Variants in CFAP70 observed in about 807,000 individuals in gnomAD.
CFAP70 encodes the protein cilia- and flagella-associated protein 70.
Under a neutral mutation model 137.6 loss-of-function variants are expected in CFAP70, and 81 were observed. The ratio of observed to expected loss-of-function variants is 0.59; its 90% CI spans 0.49 to 0.71. The LOEUF is 0.71. Ranked by LOEUF, CFAP70 falls within the 30% of genes least tolerant of loss-of-function variation. CFAP70 has a pLI of 0.00. For missense variants in CFAP70, 976 were observed against 1,226.7 expected, an observed-to-expected ratio of 0.80 and a Z score of 3.05; for synonymous variants, 382 against 423.6, an observed-to-expected ratio of 0.90 and a Z score of 1.20.
intron 4 of CFAP70, among the ~76,000 whole-genome samples, chr10:73,345,871 T>C (rs1267788121): frequency 6.6e-6 from 1 of 152,078 alleles, no homozygotes; most frequent in Non-Finnish European, 1.5e-5. Context: ...TGCTAGTCTA[T>C]ATTTTATGAT....
intron 1 of CFAP70, among the ~76,000 whole-genome samples, chr10:73,358,191 T>C (rs1227184203): frequency 2.0e-5 from 3 of 152,274 alleles, no homozygotes; most frequent in African/African-American, 4.8e-5. Flanking sequence ...GCATGTAACC[T>C]GTCTCACGCA....
intron 25 of CFAP70, among the ~76,000 whole-genome samples, chr10:73,262,728 T>A (rs573349597): frequency 1.1e-3 from 170 of 152,324 alleles, no homozygotes; most frequent in Non-Finnish European, 1.9e-3. Flanking sequence ...TATCCTTTGT[T>A]ACAGGTATCC....
exon 6 of CFAP70, chr10:73,341,578 C>T: frequency 6.2e-7 from 1 of 1,612,932 alleles, no homozygotes; most frequent in Non-Finnish European, 8.5e-7. Context: ...ATGGGATAGT[C>T]CTTCTACAGA....
intron 25 of CFAP70, among the ~76,000 whole-genome samples, chr10:73,266,060 T>C (rs1778338417): frequency 6.6e-6 from 1 of 152,182 alleles, no homozygotes; most frequent in African/African-American, 2.4e-5. Flanking sequence ...TTCTATTAGA[T>C]TTTCTTTTAC....
At chr10:73,303,488 G>C (rs2049124653) in intron 12 of CFAP70, among the ~76,000 whole-genome samples, 1 of 152,094 alleles carries the variant, frequency 6.6e-6, no homozygotes, top group Admixed American at 6.6e-5. Flanking sequence ...AAAGTGCTGG[G>C]ATTACAGGTG....
exon 27 of CFAP70, chr10:73,253,957 T>G: frequency 6.3e-7 from 1 of 1,589,668 alleles, no homozygotes; most frequent in South Asian, 1.1e-5. Flanking sequence ...TGCAGAAAAT[T>G]GTTCAGCTGG....
intron 25 of CFAP70, among the ~76,000 whole-genome samples, chr10:73,261,430 C>T (rs532679443): frequency 6.6e-6 from 1 of 152,282 alleles, no homozygotes; most frequent in Non-Finnish European, 1.5e-5. Flanking sequence ...CTCGCGAGGC[C>T]TCACAATCAT....
downstream of CFAP70, chr10:73,253,776 T>C (rs886449354): frequency 3.8e-5 from 18 of 472,626 alleles, no homozygotes; most frequent in Non-Finnish European, 4.6e-5. Context: ...GAGTTTCATA[T>C]CTCCATTTTT....
chr10:73,253,806 C>G (rs7090025), exon 27 of CFAP70: 10,169 of 494,572 alleles, frequency 0.021, 633 homozygotes, highest in African/African-American at 0.15. Context: ...CCCAGTTTCT[C>G]GTCAACCAGT....
chr10:73,254,105 T>C (rs1200233411), intron 26 of CFAP70, 50 bp from the exon 28 acceptor site: 3 of 1,457,508 alleles, frequency 2.1e-6, no homozygotes, highest in Non-Finnish European at 2.8e-6. Context: ...CGTGATATAC[T>C]TTATGTGGCT....
At chr10:73,337,683 T>A (rs2052807068) in intron 6 of CFAP70, among the ~76,000 whole-genome samples, 1 of 152,090 alleles carries the variant, frequency 6.6e-6, no homozygotes, top group African/African-American at 2.4e-5. Flanking sequence ...GGCAGGCAGA[T>A]CACCTGAGGT....
intron 1 of CFAP70, among the ~76,000 whole-genome samples, chr10:73,355,543 C>T (rs1017371921): frequency 1.3e-5 from 2 of 152,070 alleles, no homozygotes; most frequent in African/African-American, 4.8e-5. Flanking sequence ...CTTTGGAAGG[C>T]GAGGCGGGCG....
chr10:73,308,228 T>A (rs1003246566), intron 12 of CFAP70, among the ~76,000 whole-genome samples: 3 of 151,960 alleles, frequency 2.0e-5, no homozygotes, highest in Non-Finnish European at 4.4e-5. Flanking sequence ...ATATAGAACA[T>A]TCCACCCAAT....
At chr10:73,302,721 GTTTCT>G (rs1278885238) in intron 12 of CFAP70, among the ~76,000 whole-genome samples, 1 of 152,060 alleles carries the variant, frequency 6.6e-6, no homozygotes, top group East Asian at 1.9e-4. Flanking sequence ...AAATAGTTTA[GTTTCT>G]TTTCATATGT....
intron 23 of CFAP70, 121 bp from the exon 25 acceptor site, chr10:73,273,138 A>C (rs1293268276): frequency 1.3e-6 from 1 of 788,906 alleles, no homozygotes; most frequent in Non-Finnish European, 2.1e-6. Context: ...CAAGTCCTTT[A>C]ATTGTACTTT....
intron 3 of CFAP70, among the ~76,000 whole-genome samples, chr10:73,349,368 T>C (rs946003370): frequency 2.0e-5 from 3 of 151,516 alleles, no homozygotes; most frequent in Admixed American, 6.6e-5. Context: ...TGAAACCCCA[T>C]CTCTACTAAA....
chr10:73,278,183 C>A (rs1165362803), exon 20 of CFAP70: 2 of 1,612,978 alleles, frequency 1.2e-6, no homozygotes, highest in Non-Finnish European at 1.7e-6. Flanking sequence ...AGTTACCTTT[C>A]TTTGTTGGTA....
chr10:73,329,432 C>T (rs6480695), intron 8 of CFAP70, among the ~76,000 whole-genome samples: 23,190 of 151,814 alleles, frequency 0.15, 2,880 homozygotes, highest in African/African-American at 0.32. Flanking sequence ...ACGGCACATG[C>T]ATACATATGT....
chr10:73,287,964 C>A (rs1271767274), intron 19 of CFAP70, among the ~76,000 whole-genome samples: 1 of 152,098 alleles, frequency 6.6e-6, no homozygotes, highest in Non-Finnish European at 1.5e-5. Flanking sequence ...GTGGCGCAAT[C>A]TGATCTCACT....
Sources: gnomAD v4.1 joint callset for allele counts (sites outside exome capture counted in the v4.1 genomes callset) on GRCh38, gnomAD v4.1.1 for gene constraint, MANE v1.5 for transcripts, NCBI Gene and HGNC (gene_info 2026-07-23, HGNC 2026-07-21) for gene names.